The following TENM3 variants were observed in gnomAD, a reference collection of about 807,000 sequenced individuals.
The protein encoded by TENM3 is teneurin-3.
In TENM3, 63 loss-of-function variants were observed where a neutral mutation model predicts 255.1. The ratio of observed to expected loss-of-function variants is 0.25; its 90% CI spans 0.20 to 0.30. The LOEUF (loss-of-function observed/expected upper bound fraction) is 0.30, where lower values mean the gene tolerates loss of function less well. TENM3 is among the 10% of genes least tolerant of loss of function. TENM3 has a pLI of 1.00. For synonymous variants in TENM3, 1,306 were observed against 1,322.3 expected (o/e 0.99, Z 0.27); for missense variants, 2,929 against 3,461.1 (o/e 0.85, Z 3.86).
the TENM3 span, among the ~76,000 whole-genome samples, chr4:181,624,430 G>A: frequency 1.3e-5 from 2 of 152,274 alleles, no homozygotes; most frequent in African/African-American, 4.8e-5. Context: ...GTCCTGGAAG[G>A]GAGAGAAGTG....
At chr4:181,977,703 C>A in the TENM3 span, among the ~76,000 whole-genome samples, 1 of 152,134 alleles carries the variant, frequency 6.6e-6, no homozygotes, top group African/African-American at 2.4e-5. Flanking sequence ...AAAATCAGGG[C>A]ACCTGGGGTG....
chr4:182,742,997 A>G (rs1486308180), intron 18 of TENM3, among the ~76,000 whole-genome samples, 173 bp from the exon 19 acceptor site: 1 of 152,224 alleles, frequency 6.6e-6, no homozygotes, highest in South Asian at 2.1e-4. Context: ...TTATCGTGTA[A>G]TATTTTACAC....
chr4:182,561,093 TGGTA>T (rs1486694943), intron 3 of TENM3, among the ~76,000 whole-genome samples: 1 of 151,964 alleles, frequency 6.6e-6, no homozygotes, highest in Non-Finnish European at 1.5e-5. Flanking sequence ...GGAAGAAAAG[TGGTA>T]GGCAAATTTA....
At chr4:182,690,287 C>T (rs914464703) in intron 12 of TENM3, among the ~76,000 whole-genome samples, 2 of 152,206 alleles carry the variant, frequency 1.3e-5, no homozygotes, top group African/African-American at 4.8e-5. Context: ...GCTTTCCCCT[C>T]CCAAAGAGGC....
At chr4:181,786,827 C>T in the TENM3 span, among the ~76,000 whole-genome samples, 1 of 152,022 alleles carries the variant, frequency 6.6e-6, no homozygotes, top group South Asian at 2.1e-4. Flanking sequence ...GGTTCTGCGG[C>T]CTCTCAGCAT....
At chr4:182,299,585 T>C (rs1219551364) in intron 1 of TENM3, among the ~76,000 whole-genome samples, 1 of 152,238 alleles carries the variant, frequency 6.6e-6, no homozygotes, top group Non-Finnish European at 1.5e-5. Flanking sequence ...GAAGGAACAC[T>C]GTCTTTGAGA....
chr4:182,755,094 G>A lies in TENM3; in HGVS notation c.4727G>A (p.Arg1576Gln). Residue 1576 changes from arginine (R) to glutamine (Q), a missense_variant, in exon 22 of 28, where the codon CGA (arginine) becomes CAA (glutamine). Arg to Gln is a conservative substitution (Grantham distance 43, BLOSUM62 1). Transcript: ENST00000511685. ...CGGGACCCAAATCGCATGCCAGTTC[G>A]AGTGGTGTCTCCTGATAACCAAGTG... ...IRRDPNRMPV[R>Q]VVSPDNQVIW... 1.2e-6 allele frequency: 2 copies of A among 1,614,016 alleles called. No homozygotes were observed. The highest frequency in any genetic ancestry group is 1.7e-6 in the Non-Finnish European group (2 of 1,179,896).
At chr4:182,497,866 A>G (rs1027872653) in intron 3 of TENM3, among the ~76,000 whole-genome samples, 2 of 73,856 alleles carry the variant, frequency 2.7e-5, no homozygotes, top group African/African-American at 6.7e-5. Flanking sequence ...ATATATATAT[A>G]TATATATATA....
chr4:182,681,871 A>G lies in TENM3; in HGVS notation c.1892A>G (p.His631Arg). The change falls in exon 11 of 28, where the codon CAC becomes CGC. Residue 631 changes from histidine to arginine, a missense_variant. His to Arg is a conservative substitution (Grantham distance 29). Coordinates refer to ENST00000511685, the MANE Select transcript of TENM3 (RefSeq NM_001080477.4). ...GGTGTGTGTATCCACGGGGAATGTC[A>G]CTGCAGTCCAGGATGGGGAGGTAGC... The part of the protein sequence containing the change: ...NHGVCIHGEC[H>R]CSPGWGGSNC... 1 of 1,613,930 alleles carries G rather than the reference A, an allele frequency of 6.2e-7. No homozygotes were observed. Among genetic ancestry groups the G allele is most frequent in the Non-Finnish European group, 8.5e-7 (1 of 1,179,850 alleles).
At chr4:181,590,393 G>A in the TENM3 span, among the ~76,000 whole-genome samples, 1 of 152,144 alleles carries the variant, frequency 6.6e-6, no homozygotes, top group Non-Finnish European at 1.5e-5. Flanking sequence ...ACTCCTGTCC[G>A]ATTTACCTAC....
At chr4:182,444,040 C>T (rs1333406711) in intron 3 of TENM3, among the ~76,000 whole-genome samples, 3 of 151,964 alleles carry the variant, frequency 2.0e-5, no homozygotes, top group Non-Finnish European at 4.4e-5. Context: ...TGGATTTTTC[C>T]ATAGGGTAAA....
intron 1 of TENM3, among the ~76,000 whole-genome samples, chr4:182,299,347 C>T (rs1268600109): frequency 6.6e-6 from 1 of 152,074 alleles, no homozygotes; most frequent in East Asian, 1.9e-4. Flanking sequence ...ACAACTCTTA[C>T]AATTTCATTG....
chr4:181,596,129 G>A, the TENM3 span, among the ~76,000 whole-genome samples: 1 of 152,130 alleles, frequency 6.6e-6, no homozygotes, highest in Admixed American at 6.5e-5. Flanking sequence ...CAAAGCAGAT[G>A]CTTAATAAAA....
the TENM3 span, among the ~76,000 whole-genome samples, chr4:181,604,157 C>T: frequency 2.0e-5 from 3 of 151,818 alleles, no homozygotes; most frequent in African/African-American, 4.8e-5. Context: ...CCCAGCTACT[C>T]GGGAGGCTGA....
At chr4:182,217,857 C>G (rs544728587) in intron 1 of TENM3, among the ~76,000 whole-genome samples, 1 of 151,972 alleles carries the variant, frequency 6.6e-6, no homozygotes, top group African/African-American at 2.4e-5. Flanking sequence ...TATTAAAGCC[C>G]CATAAAAAGA....
chr4:181,850,227 C>T, the TENM3 span, among the ~76,000 whole-genome samples: 1 of 152,076 alleles, frequency 6.6e-6, no homozygotes, highest in Non-Finnish European at 1.5e-5. Context: ...TCCTATTTCT[C>T]AGTAACCCTT....
chr4:182,335,114 C>A (rs4069804), intron 2 of TENM3, among the ~76,000 whole-genome samples: 3,217 of 152,028 alleles, frequency 0.021, 110 homozygotes, highest in African/African-American at 0.073. Flanking sequence ...AAGGCCTTCT[C>A]TACTTTGGAC....
intron 3 of TENM3, among the ~76,000 whole-genome samples, chr4:182,495,284 C>T (rs1361188814): frequency 2.6e-5 from 4 of 152,142 alleles, no homozygotes; most frequent in Non-Finnish European, 5.9e-5. Context: ...GAATAATTTT[C>T]CAGAGACTGA....
chr4:182,200,193 A>C (rs1754100250), intron 1 of TENM3, among the ~76,000 whole-genome samples: 1 of 152,208 alleles, frequency 6.6e-6, no homozygotes, highest in South Asian at 2.1e-4. Context: ...TGTTTCTTGC[A>C]TAATCATAGA....
Sources: gnomAD v4.1 joint callset for allele counts (sites outside exome capture counted in the v4.1 genomes callset) on GRCh38, gnomAD v4.1.1 for gene constraint, MANE v1.5 for transcripts, NCBI Gene and HGNC (gene_info 2026-07-23, HGNC 2026-07-21) for gene names.